The following ASTN2 variants were observed in gnomAD, a reference collection of about 807,000 sequenced individuals.
The protein encoded by ASTN2 is astrotactin-2.
A neutral mutation model predicts 139.8 loss-of-function variants in ASTN2; 54 were observed. The ratio of observed to expected loss-of-function variants is 0.39; its 90% confidence interval spans 0.31 to 0.48. The LOEUF is 0.48. Ranked by LOEUF, ASTN2 falls within the 20% of genes least tolerant of loss-of-function variation. ASTN2 has a pLI of 0.95. For missense variants in ASTN2, 1,565 were observed against 1,725.1 expected, an observed-to-expected ratio of 0.91 and a Z score of 1.64; for synonymous variants, 756 against 719.5, an observed-to-expected ratio of 1.05 and a Z score of -0.81.
At chr9:116,824,229 C>T (rs954177236) in intron 11 of ASTN2, among the ~76,000 whole-genome samples, 1 of 152,168 alleles carries the variant, frequency 6.6e-6, no homozygotes. Context: ...CAAAGATGGT[C>T]CCCAGTGATT....
At chr9:117,392,753 G>T (rs550710523) in intron 1 of ASTN2, among the ~76,000 whole-genome samples, 1 of 152,324 alleles carries the variant, frequency 6.6e-6, no homozygotes, top group South Asian at 2.1e-4. Context: ...AAACTACCCA[G>T]CAGATGTTTC....
At chr9:117,243,891 A>G (rs551552856) in intron 2 of ASTN2, among the ~76,000 whole-genome samples, 1 of 152,174 alleles carries the variant, frequency 6.6e-6, no homozygotes, top group East Asian at 1.9e-4. Flanking sequence ...GTACCTAACC[A>G]TGATATGGTT....
intron 10 of ASTN2, among the ~76,000 whole-genome samples, chr9:116,954,336 T>G (rs1353011607): frequency 6.6e-6 from 1 of 152,204 alleles, no homozygotes; most frequent in East Asian, 1.9e-4. Context: ...AATGTGCAAC[T>G]AAATCACCTG....
intron 1 of ASTN2, among the ~76,000 whole-genome samples, chr9:117,345,055 GT>G (rs1829173270): frequency 6.6e-6 from 1 of 152,154 alleles, no homozygotes; most frequent in Non-Finnish European, 1.5e-5. Flanking sequence ...AGGGTTAGAG[GT>G]GGGAGGGTCC....
In ASTN2 at chr9:117,391,418, T is replaced by A. The variant is rs575211909; in HGVS notation, c.442+23079A>T. ...AAGGAGGAGCAAGTCACATCTTATG[T>A]GGATGGCAGCAGGCAAAAACAGCTT... On this transcript the variant is annotated intron_variant, in intron 1 of 22. Transcript: ENST00000313400. Among the ~76,000 whole-genome samples, 3 of 152,320 alleles carry A rather than the reference T, an allele frequency of 2.0e-5. No individual in the cohort carries two copies. The South Asian group carries it at 6.2e-4, about 32-fold the overall frequency.
intron 1 of ASTN2, among the ~76,000 whole-genome samples, chr9:117,360,338 G>A (rs1287799475): frequency 6.6e-6 from 1 of 152,132 alleles, no homozygotes; most frequent in East Asian, 1.9e-4. Flanking sequence ...TCAAGAAAGA[G>A]TCCAGGGAAT....
At chr9:116,995,619 G>A (rs1003740955) in intron 7 of ASTN2, among the ~76,000 whole-genome samples, 6 of 152,144 alleles carry the variant, frequency 3.9e-5, no homozygotes, top group African/African-American at 1.4e-4. Flanking sequence ...ATCATTCAAG[G>A]TTGTAATTAT....
At chr9:116,511,332 C>G (rs1244437790) in intron 19 of ASTN2, among the ~76,000 whole-genome samples, 1 of 152,172 alleles carries the variant, frequency 6.6e-6, no homozygotes, top group South Asian at 2.1e-4. Context: ...TTGAACCAGC[C>G]TTGCATCCCA....
At chr9:116,959,904 A>G (rs1835828297) in intron 10 of ASTN2, among the ~76,000 whole-genome samples, 1 of 152,128 alleles carries the variant, frequency 6.6e-6, no homozygotes, top group South Asian at 2.1e-4. Flanking sequence ...CCTCTCCATC[A>G]GGGCCACGCA....
chr9:116,643,155 A>C (rs1857421266), intron 17 of ASTN2, among the ~76,000 whole-genome samples: 1 of 152,210 alleles, frequency 6.6e-6, no homozygotes, highest in Admixed American at 6.5e-5. Context: ...ACATATATAA[A>C]TACACATGAA....
At chr9:117,180,157 G>A (rs1372918969) in intron 3 of ASTN2, among the ~76,000 whole-genome samples, 2 of 152,134 alleles carry the variant, frequency 1.3e-5, no homozygotes, top group African/African-American at 4.8e-5. Flanking sequence ...TCTGATCTAA[G>A]TTTGTGCCAC....
At chr9:117,230,964 G>A (rs1191922505) in intron 2 of ASTN2, among the ~76,000 whole-genome samples, 1 of 152,112 alleles carries the variant, frequency 6.6e-6, no homozygotes, top group Non-Finnish European at 1.5e-5. Flanking sequence ...CCCCAAACTT[G>A]CCTGGTCATA....
chr9:116,920,952 T>TA, intron 10 of ASTN2, among the ~76,000 whole-genome samples: 1 of 152,190 alleles, frequency 6.6e-6, no homozygotes, highest in East Asian at 1.9e-4. Context: ...CTCACACTGT[T>TA]ACAATGAAAT....
chr9:116,805,661 G>A lies in ASTN2; in HGVS notation c.2367C>T (p.Asn789=). 6.2e-7 allele frequency: 1 copy of A among 1,613,878 alleles called. No individual in the cohort carries two copies. Among genetic ancestry groups the A allele is most frequent in the Non-Finnish European group, 8.5e-7 (1 of 1,179,822 alleles). Residue 789 remains asparagine, a synonymous_variant, in exon 13 of 23, where the codon AAC becomes AAT. Transcript: ENST00000313400. ...AGGTCATCTGGAAGACTTGGCCTTG[G>A]TTCACATGCTGGGTCCGGTTGTTGT... The part of the protein sequence containing the change: ...HGYNNRTQHV[N]QGQVFQMTFR...
intron 5 of ASTN2, among the ~76,000 whole-genome samples, chr9:117,082,071 C>T (rs1828442383): frequency 6.6e-6 from 1 of 152,172 alleles, no homozygotes; most frequent in African/African-American, 2.4e-5. Flanking sequence ...CAACTGGTTA[C>T]TCATAGAAAC....
intron 22 of ASTN2, among the ~76,000 whole-genome samples, chr9:116,426,749 AAT>A (rs34817399): frequency 0.88 from 132,402 of 150,752 alleles, 58,149 homozygotes; most frequent in Non-Finnish European, 0.9. Context: ...CCTTTCATCA[AAT>A]ATATATATAT....
At chr9:117,296,105 C>T (rs1454822134) in intron 1 of ASTN2, among the ~76,000 whole-genome samples, 1 of 151,486 alleles carries the variant, frequency 6.6e-6, no homozygotes, top group Non-Finnish European at 1.5e-5. Flanking sequence ...TGGTGAAATC[C>T]CGCCTCTACT....
At chr9:117,254,674 A>G (rs1833635587) in intron 2 of ASTN2, among the ~76,000 whole-genome samples, 1 of 152,198 alleles carries the variant, frequency 6.6e-6, no homozygotes, top group Non-Finnish European at 1.5e-5. Flanking sequence ...ATATATGTGT[A>G]TATATGTATG....
intron 11 of ASTN2, among the ~76,000 whole-genome samples, chr9:116,839,675 T>C (rs966401730): frequency 6.6e-6 from 1 of 151,240 alleles, no homozygotes; most frequent in African/African-American, 2.4e-5. Flanking sequence ...TTTGTATATA[T>C]ATATTTTTTT....
Sources: allele counts gnomAD v4.1 joint callset (sites outside exome capture counted in the v4.1 genomes callset), GRCh38; gene constraint gnomAD v4.1.1; transcripts MANE v1.5; gene names NCBI Gene and HGNC (gene_info 2026-07-23, HGNC 2026-07-21).